Variants in ADGRV1 observed in about 807,000 individuals in gnomAD.
ADGRV1 encodes the protein G-protein coupled receptor 98.
Under a neutral mutation model 596.2 loss-of-function variants are expected in ADGRV1, and 359 were observed. That is an observed-to-expected ratio of 0.60 (90% CI 0.55 to 0.66). The LOEUF is 0.66. Ranked by LOEUF, ADGRV1 falls within the 30% of genes least tolerant of loss-of-function variation. ADGRV1 has a pLI of 0.00. For synonymous variants in ADGRV1, 2,681 were observed against 2,679.2 expected (o/e 1.00, Z -0.02); for missense variants, 7,274 against 7,575.6 (o/e 0.96, Z 1.48).
At chr5:90,851,145 G>A (rs1418615841) in intron 79 of ADGRV1, among the ~76,000 whole-genome samples, 2 of 132,564 alleles carry the variant, frequency 1.5e-5, no homozygotes, top group African/African-American at 6.4e-5. Context: ...GAGAGAGAGA[G>A]AGAGAGAGAG....
intron 31 of ADGRV1, chr5:90,691,269 A>G (rs904857565): frequency 8.8e-6 from 5 of 568,002 alleles, no homozygotes; most frequent in Admixed American, 4.7e-5. Flanking sequence ...ACTTTTTTGT[A>G]CAATTAACTT....
At position 90,750,719 on chromosome 5, in the gene ADGRV1, A is replaced by G. The variant is rs6886159; in HGVS notation, c.11121+22A>G. 6,773 of 1,592,234 alleles carry G rather than the reference A, an allele frequency of 4.3e-3. 254 individuals carry two copies. In the African/African-American group the frequency reaches 0.079, roughly 19 times the overall value. ...AGTGGTATGTAATTTACAAAGTTATAGGAAACACTTTTAAATTATGGTTAC... is the reference window on the plus strand; with the variant it reads ...AGTGGTATGTAATTTACAAAGTTATGGGAAACACTTTTAAATTATGGTTAC... On this transcript the variant is annotated intron_variant, in intron 53 of 89. Transcript: ENST00000405460.
chr5:90,567,229 C>T (rs1176255699), intron 1 of ADGRV1, among the ~76,000 whole-genome samples: 1 of 151,980 alleles, frequency 6.6e-6, no homozygotes. Context: ...GTTTTTGTGT[C>T]AATATTCATA....
At chr5:90,816,789 A>T (rs1423955049) in intron 75 of ADGRV1, among the ~76,000 whole-genome samples, 3 of 151,418 alleles carry the variant, frequency 2.0e-5, no homozygotes, top group Non-Finnish European at 4.4e-5. Context: ...TATGTGCCAC[A>T]TTTTCTTAAT....
At chr5:90,684,590 A>G (rs1745367032) in intron 28 of ADGRV1, among the ~76,000 whole-genome samples, 2 of 152,148 alleles carry the variant, frequency 1.3e-5, no homozygotes, top group Admixed American at 1.3e-4. Flanking sequence ...AAGTGCCACG[A>G]TTAAGGTGCC....
intron 78 of ADGRV1, among the ~76,000 whole-genome samples, chr5:90,844,694 T>A (rs1765712371): frequency 6.6e-6 from 1 of 152,182 alleles, no homozygotes; most frequent in Admixed American, 6.5e-5. Context: ...TGACTCTAAT[T>A]TTTTGTTCTG....
chr5:90,810,372 A>T lies in ADGRV1; in HGVS notation c.15112A>T (p.Ile5038Phe), dbSNP rs1281907681. 1.2e-6 allele frequency: 2 copies of T among 1,613,712 alleles called. No individual in the cohort carries two copies. The highest frequency in any genetic ancestry group is 1.7e-5 in the Admixed American group (1 of 59,966). ...QRLFGFHSDLIKVSYQTTAGS... is the reference protein window; with the variant it reads ...QRLFGFHSDLFKVSYQTTAGS... ...ACTATTTGGGTTCCACAGCGATCTT[A>T]TTAAAGTTTCTTATCAGACCACTGC... Residue 5038 changes from isoleucine (I) to phenylalanine (F), a missense_variant, in exon 74 of 90, where the codon ATT becomes TTT. By Grantham distance (21) the Ile-to-Phe change is conservative (BLOSUM62 0). Transcript: ENST00000405460.
At chr5:90,754,845 G>T (rs967912584) in intron 54 of ADGRV1, 138 bp from the exon 55 acceptor site, 22 of 615,542 alleles carry the variant, frequency 3.6e-5, no homozygotes, top group Non-Finnish European at 5.7e-5. Context: ...ATCCTTGGGA[G>T]TATACATTGT....
At chr5:90,625,377 C>T (rs756300781) in intron 6 of ADGRV1, 134 bp downstream of exon 6, 120 of 526,964 alleles carry the variant, frequency 2.3e-4, no homozygotes, top group Non-Finnish European at 3.5e-4. Context: ...CATCTTATTA[C>T]TATTTATCTT....
At chr5:91,162,249 G>A (rs939522890) in intron 89 of ADGRV1, among the ~76,000 whole-genome samples, 2 of 152,202 alleles carry the variant, frequency 1.3e-5, no homozygotes, top group East Asian at 1.9e-4. Flanking sequence ...TATGAGCTAG[G>A]AGACAGAAAG....
chr5:91,067,141 G>A (rs1439081958), intron 85 of ADGRV1, among the ~76,000 whole-genome samples: 1 of 116,684 alleles, frequency 8.6e-6, no homozygotes, highest in African/African-American at 3.1e-5. Flanking sequence ...TTGCAAAGGA[G>A]ATTTTTTTTT....
chr5:90,768,427 A>C (rs1447886344), intron 59 of ADGRV1, among the ~76,000 whole-genome samples: 1 of 152,206 alleles, frequency 6.6e-6, no homozygotes, highest in Admixed American at 6.5e-5. Context: ...TATCCACTCC[A>C]TCAATAATGC....
At chr5:90,735,677 T>G (rs1013271297) in intron 50 of ADGRV1, among the ~76,000 whole-genome samples, 9 of 152,134 alleles carry the variant, frequency 5.9e-5, no homozygotes, top group Non-Finnish European at 1.3e-4. Context: ...TTGTGTTTTT[T>G]TCTATTTCTT....
chr5:90,861,303 TA>T (rs1767526424), intron 82 of ADGRV1, among the ~76,000 whole-genome samples: 1 of 150,660 alleles, frequency 6.6e-6, no homozygotes, highest in Admixed American at 6.6e-5. Context: ...TTTATTTATC[TA>T]TTTTTTTTTT....
intron 1 of ADGRV1, among the ~76,000 whole-genome samples, chr5:90,613,267 C>T (rs758916716): frequency 2.6e-5 from 4 of 152,054 alleles, no homozygotes; most frequent in African/African-American, 4.8e-5. Context: ...TACCTTCTCC[C>T]TCTTCCATTT....
intron 79 of ADGRV1, among the ~76,000 whole-genome samples, chr5:90,849,081 CTTAT>C (rs1005062674): frequency 1.3e-5 from 2 of 151,720 alleles, no homozygotes; most frequent in African/African-American, 2.4e-5. Context: ...ACTGTTTACT[CTTAT>C]TTATTTAATG....
chr5:90,917,955 A>G (rs1422171860), intron 83 of ADGRV1, among the ~76,000 whole-genome samples: 2 of 151,912 alleles, frequency 1.3e-5, no homozygotes, highest in African/African-American at 4.8e-5. Context: ...TTTAGTCTTT[A>G]TTGGTAGTAG....
intron 1 of ADGRV1, among the ~76,000 whole-genome samples, chr5:90,564,625 A>ATATATTTTTTTTTTTTTTTT (rs1391157470): frequency 3.0e-5 from 1 of 33,598 alleles, no homozygotes; most frequent in African/African-American, 2.3e-4. Context: ...ATATATATAT[A>ATATATTTTTTTTTTTTTTTT]TTTTTTTTTT....
chr5:90,898,878 C>T (rs1056099531), intron 83 of ADGRV1, among the ~76,000 whole-genome samples: 4 of 151,428 alleles, frequency 2.6e-5, no homozygotes, highest in Non-Finnish European at 5.9e-5. Context: ...TTCAGGGGCT[C>T]GAGGCTGCAG....
Sources: gnomAD v4.1 joint callset for allele counts (sites outside exome capture counted in the v4.1 genomes callset) on GRCh38, gnomAD v4.1.1 for gene constraint, MANE v1.5 for transcripts, NCBI Gene and HGNC (gene_info 2026-07-23, HGNC 2026-07-21) for gene names.